The following FDXACB1 variants were observed in gnomAD, a reference collection of about 807,000 sequenced individuals.
FDXACB1 encodes ferredoxin-fold anticodon binding domain containing 1, also known as ferredoxin-fold anticodon-binding domain-containing protein 1.
In FDXACB1, 41 loss-of-function variants were observed where a neutral mutation model predicts 51.7. The ratio of observed to expected loss-of-function variants is 0.79; its 90% CI spans 0.62 to 1.03. The LOEUF is 1.03. Ranked by LOEUF, FDXACB1 falls within the 50% of genes least tolerant of loss-of-function variation. FDXACB1 has a pLI of 0.00. For synonymous variants in FDXACB1, 273 were observed against 278.6 expected (o/e 0.98, Z 0.20); for missense variants, 697 against 746.4 (o/e 0.93, Z 0.77).
In FDXACB1 at chr11:111,878,565, A is replaced by C. The variant is rs1964871738; in HGVS notation, c.320T>G (p.Phe107Cys). 1 of 1,591,578 alleles carries C rather than the reference A, an allele frequency of 6.3e-7. No individual in the cohort carries two copies. Among genetic ancestry groups the C allele is most frequent in the South Asian group, 1.1e-5 (1 of 87,672 alleles). ...VAKNRELLAK[F>C]FQSCADVLAE... is the part of the protein sequence containing the mutation. ...GCGCTCCTTTCCTCACCTTTGGAAA[A>C]ATTTGGCAAGCAGTTCCCTGTTCTT... Residue 107 changes from phenylalanine to cysteine, a missense_variant, in exon 2 of 5, where the codon TTT (phenylalanine) becomes TGT (cysteine). This residue lies in a region of FDXACB1 where 6 missense variants were observed against 20.7 expected (regional missense o/e 0.29). Transcript: ENST00000260257.
At chr11:111,878,909 T>C (rs1476267629) in intron 1 of FDXACB1, 52 bp downstream of exon 1, 3 of 1,558,714 alleles carry the variant, frequency 1.9e-6, no homozygotes, top group East Asian at 2.4e-5. Context: ...CCTTTCCACT[T>C]TGGGACGCGC....
intron 1 of FDXACB1, 93 bp from the exon 2 acceptor site, chr11:111,878,805 C>T (rs1964879926): frequency 4.0e-6 from 6 of 1,517,110 alleles, no homozygotes; most frequent in Non-Finnish European, 5.3e-6. Context: ...ACCGTGCAGA[C>T]CAGCCCAAGT....
rs782481215 is a variant in FDXACB1 at position 111,875,271 on chromosome 11, G to A, written c.1526C>T (p.Thr509Met). 9.9e-6 allele frequency: 16 copies of A among 1,613,700 alleles called. No individual in the cohort carries two copies. In the East Asian group the frequency reaches 1.1e-4, roughly 11 times the overall value. The change falls in exon 5 of 5, where the codon ACG becomes ATG. Residue 509 changes from threonine (T) to methionine (M), a missense_variant. Physicochemically the swap from Thr to Met is moderately conservative, Grantham distance 81. Transcript: ENST00000260257. Reference protein sequence around the residue: ...WCISDWRMLWTFDNRFLKNFV... With the variant: ...WCISDWRMLWMFDNRFLKNFV... ...ATTTTTCAGGAAACGGTTATCAAAC[G>A]TCCACAACATTCTCCAGTCAGAGAT...
At position 111,876,582 on chromosome 11, in the gene FDXACB1, G is replaced by C; in HGVS notation, c.591C>G (p.Ser197Arg). The part of the protein sequence containing the change: ...EGALNHIFTR[S>R]LPFEGSQPRI... Reference sequence around the variant, plus strand: ...TGGGTTGAGAACCTTCAAAAGGTAAGCTCCTGGTGAAGATATGGTTCAAAG... The same window carrying C: ...TGGGTTGAGAACCTTCAAAAGGTAACCTCCTGGTGAAGATATGGTTCAAAG... The change falls in exon 4 of 5, where the codon AGC (serine) becomes AGG (arginine). Residue 197 changes from serine to arginine, a missense_variant. Ser to Arg is a moderately radical substitution (Grantham distance 110, BLOSUM62 -1). This residue lies in a region of FDXACB1 where 538 missense variants were observed against 592.2 expected (regional missense o/e 0.91). Transcript: ENST00000260257. The C allele has an allele frequency of 1.9e-6, 3 of 1,614,006 alleles. No homozygotes were observed. The highest frequency in any genetic ancestry group is 2.5e-6 in the Non-Finnish European group (3 of 1,179,880).
In FDXACB1 at chr11:111,875,473, G is replaced by A. The variant is rs781982805; in HGVS notation, c.1324C>T (p.Gln442Ter). 11 of 1,612,432 alleles carry A rather than the reference G, an allele frequency of 6.8e-6. No homozygotes were observed. The Admixed American group carries it at 1.8e-4, about 27-fold the overall frequency. Residue 442 changes from glutamine (Q) to a stop codon, truncating the protein, a stop_gained, in exon 5 of 5, where the codon CAG becomes TAG. Coordinates refer to ENST00000260257, the MANE Select transcript of FDXACB1 (RefSeq NM_138378.3). LOFTEE classifies it high-confidence loss of function. The part of the protein sequence containing the change: ...KLSSLVKFVL[Q>*]SNGKDYMIRV... ...ATCATATAATCCTTTCCATTTGACTGAAGGACAAATTTGACTAAACTGCTC... is the reference window on the plus strand; with the variant it reads ...ATCATATAATCCTTTCCATTTGACTAAAGGACAAATTTGACTAAACTGCTC...
At position 111,875,971 on chromosome 11, in the gene FDXACB1, CACTGGT is replaced by C. The variant is rs1566367910; in HGVS notation, c.820_825del (p.Thr274_Ser275del). The C allele has an allele frequency of 2.5e-6, 4 of 1,613,948 alleles. No individual in the cohort carries two copies. The highest frequency in any genetic ancestry group is 3.4e-6 in the Non-Finnish European group (4 of 1,179,878). ...AAGTCACAATTCCAGAAAGGAAGAACACTGGTACCTTCCTGTGGCAGCAAAGGGTAG... is the reference window on the plus strand; with the variant it reads ...AAGTCACAATTCCAGAAAGGAAGAACACCTTCCTGTGGCAGCAAAGGGTAG... On this transcript the variant is annotated inframe_deletion, in exon 5 of 5. Coordinates refer to ENST00000260257, the MANE Select transcript of FDXACB1 (RefSeq NM_138378.3).
chr11:111,874,225 T>G lies in FDXACB1; in HGVS notation c.*697A>C, dbSNP rs1964758896. ...ACTCTCATAAGGTGATTTAATGAAA[T>G]GATACAACAAAGTTAAGGGAAGAGT... is the stretch of plus-strand genomic sequence containing the variant. On this transcript the variant is annotated 3_prime_UTR_variant, in exon 5 of 5. Transcript: ENST00000260257. 2 of 152,160 alleles carry G rather than the reference T, an allele frequency of 1.3e-5. No individual in the cohort carries two copies. The highest frequency in any genetic ancestry group is 1.3e-4 in the Admixed American group (2 of 15,278). 9.4% of individuals were successfully genotyped at this position (152,160 alleles called of 1,614,324 possible).
rs1216156622 is a variant in FDXACB1 at position 111,874,480 on chromosome 11, GT to G, written c.*441del. On this transcript the variant is annotated 3_prime_UTR_variant, in exon 5 of 5. Transcript: ENST00000260257. ...ATCAACTAACAGTAGGCCGGGCGCG[GT>G]GGCTCACATCTATAATCCCAGCACT... The G allele has an allele frequency of 1.3e-5, 2 of 159,240 alleles. No individual in the cohort carries two copies. Among genetic ancestry groups the G allele is most frequent in the African/African-American group, 4.8e-5 (2 of 41,470 alleles). The allele number at this position is 159,240 out of a possible 1,614,324, so 9.9% of individuals were successfully genotyped here. A position where few individuals can be genotyped will look rare whatever the true frequency, so the allele number is the denominator to read the frequency against.
intron 2 of FDXACB1, 34 bp from the exon 3 acceptor site, chr11:111,877,045 C>T: frequency 6.5e-7 from 1 of 1,541,570 alleles, no homozygotes; most frequent in Non-Finnish European, 8.8e-7. Context: ...AACTAATTAT[C>T]ATAAACAAGC....
At chr11:111,876,403 A>C (rs1040225894) in intron 4 of FDXACB1, 78 bp downstream of exon 4, 20 of 1,495,092 alleles carry the variant, frequency 1.3e-5, no homozygotes, top group Non-Finnish European at 1.8e-5. Flanking sequence ...TGCACCATCC[A>C]TTCAATATAT....
At chr11:111,877,268 T>A (rs1376861970) in intron 2 of FDXACB1, among the ~76,000 whole-genome samples, 1 of 152,238 alleles carries the variant, frequency 6.6e-6, no homozygotes, top group Admixed American at 6.5e-5. Flanking sequence ...CATGCATATG[T>A]CACAGAAAGA....
intron 2 of FDXACB1, 38 bp downstream of exon 2, chr11:111,878,518 C>T (rs1555162527): frequency 6.5e-7 from 1 of 1,538,808 alleles, no homozygotes; most frequent in East Asian, 2.4e-5. Context: ...TTATGGACAT[C>T]TTAAACATTT....
At position 111,879,151 on chromosome 11, in the gene FDXACB1, G is replaced by C. The variant is rs1253272202; in HGVS notation, c.-19C>G. On this transcript the variant is annotated 5_prime_UTR_variant, in exon 1 of 5. Coordinates refer to ENST00000260257, the MANE Select transcript of FDXACB1 (RefSeq NM_138378.3). ...GGGCCATGGCCTCCACGGACTCCCG[G>C]CTCGCGTTCTCTGTGGCGCTCGTTT... The C allele has an allele frequency of 1.0e-5, 16 of 1,596,022 alleles. No individual in the cohort carries two copies. The highest frequency in any genetic ancestry group is 1.7e-4 in the Middle Eastern group (1 of 6,002).
chr11:111,878,401 ATC>A (rs1555162517), intron 2 of FDXACB1, among the ~76,000 whole-genome samples, 153 bp downstream of exon 2: 2 of 152,152 alleles, frequency 1.3e-5, no homozygotes, highest in African/African-American at 4.8e-5. Context: ...GGGTTTATAT[ATC>A]TGTCTTTCCA....
intron 1 of FDXACB1, 85 bp from the exon 2 acceptor site, chr11:111,878,797 C>A: frequency 1.3e-6 from 2 of 1,516,182 alleles, no homozygotes; most frequent in Non-Finnish European, 1.8e-6. Flanking sequence ...TAACTTAAAC[C>A]GTGCAGACCA....
At position 111,874,611 on chromosome 11, in the gene FDXACB1, C is replaced by A; in HGVS notation, c.*311G>T. ...TAAAAATACAAAAAAAAAAATTAGC[C>A]AGGCGTGGTGGCAGGTGCCTGTAGT... On this transcript the variant is annotated 3_prime_UTR_variant, in exon 5 of 5. Transcript: ENST00000260257. 1 of 227,360 alleles carries A rather than the reference C, an allele frequency of 4.4e-6. No homozygotes were observed. Among genetic ancestry groups the A allele is most frequent in the Non-Finnish European group, 8.6e-6 (1 of 116,372 alleles). 14.1% of individuals were successfully genotyped at this position (227,360 alleles called of 1,614,324 possible).
rs782369565 is a variant in FDXACB1 at position 111,875,108 on chromosome 11, A to C, written c.1689T>G (p.Ser563=). The C allele has an allele frequency of 6.2e-7, 1 of 1,613,900 alleles. No homozygotes were observed. Among genetic ancestry groups the C allele is most frequent in the African/African-American group, 1.3e-5 (1 of 75,038 alleles). Residue 563 remains serine, a synonymous_variant, in exon 5 of 5, where the codon TCT becomes TCG. Coordinates refer to ENST00000260257, the MANE Select transcript of FDXACB1 (RefSeq NM_138378.3). Reference sequence around the variant, plus strand: ...ACTGTATGGATATAATAGTGTCCTGAGACACTGCTCGGGCCACAGTGTGAA... The same window carrying C: ...ACTGTATGGATATAATAGTGTCCTGCGACACTGCTCGGGCCACAGTGTGAA... The part of the protein sequence containing the change: ...LEFHTVARAV[S]QDTIISIQFL...
At chr11:111,876,357 A>T in intron 4 of FDXACB1, 124 bp downstream of exon 4, 1 of 1,229,924 alleles carries the variant, frequency 8.1e-7, no homozygotes, top group Non-Finnish European at 1.1e-6. Flanking sequence ...GGCCAGGCTG[A>T]CAAATAAACA....
chr11:111,874,616 G>A lies in FDXACB1; in HGVS notation c.*306C>T, dbSNP rs547911036. On this transcript the variant is annotated 3_prime_UTR_variant, in exon 5 of 5. Coordinates refer to ENST00000260257, the MANE Select transcript of FDXACB1 (RefSeq NM_138378.3). ...ATACAAAAAAAAAAATTAGCCAGGC[G>A]TGGTGGCAGGTGCCTGTAGTCCCAG... The A allele has an allele frequency of 9.7e-5, 23 of 237,616 alleles. No homozygotes were observed. The highest frequency in any genetic ancestry group is 3.9e-4 in the East Asian group (4 of 10,368). The allele number at this position is 237,616 out of a possible 1,614,324, so 14.7% of individuals were successfully genotyped here. A position where few individuals can be genotyped will look rare whatever the true frequency, so the allele number is the denominator to read the frequency against.
Sources: allele counts gnomAD v4.1 joint callset (sites outside exome capture counted in the v4.1 genomes callset), GRCh38; gene constraint gnomAD v4.1.1; regional missense constraint gnomAD v4.1.1; transcripts MANE v1.5; gene names NCBI Gene and HGNC (gene_info 2026-07-23, HGNC 2026-07-21).